The following SNX15 variants were observed in gnomAD, a reference collection of about 807,000 sequenced individuals.
The protein encoded by SNX15 is sorting nexin 15.
SNX15 carries 29 observed loss-of-function variants against 35.2 expected under a neutral mutation model. That is an observed-to-expected ratio of 0.82 (90% CI 0.61 to 1.12). The LOEUF is 1.12. Ranked by LOEUF, SNX15 falls within the 50% of genes most tolerant of loss-of-function variation. The pLI, the probability that SNX15 is intolerant of heterozygous loss-of-function variation, is 0.00. For missense variants in SNX15, 400 were observed against 451.5 expected, an observed-to-expected ratio of 0.89 and a Z score of 1.03; for synonymous variants, 189 against 188.2, an observed-to-expected ratio of 1.00 and a Z score of -0.03.
At chr11:65,032,637 A>T in intron 3 of SNX15, 86 bp downstream of exon 3, 1 of 1,542,326 alleles carries the variant, frequency 6.5e-7, no homozygotes, top group South Asian at 1.1e-5. Context: ...CTGGATAGAG[A>T]GGGCCTGAAA....
At chr11:65,031,855 C>A (rs1405069387) in intron 1 of SNX15, among the ~76,000 whole-genome samples, 3 of 152,016 alleles carry the variant, frequency 2.0e-5, no homozygotes, top group Non-Finnish European at 2.9e-5. Flanking sequence ...CGAGAGTGTA[C>A]CACTGCACTC....
chr11:65,027,797 C>G (rs752708475), intron 1 of SNX15, among the ~76,000 whole-genome samples, 161 bp downstream of exon 1: 5 of 152,188 alleles, frequency 3.3e-5, no homozygotes, highest in Admixed American at 1.3e-4. Context: ...ACATCTTTAA[C>G]CACCAGGGGG....
At chr11:65,030,402 A>C (rs1487309997) in intron 1 of SNX15, among the ~76,000 whole-genome samples, 1 of 150,132 alleles carries the variant, frequency 6.7e-6, no homozygotes, top group Admixed American at 6.6e-5. Context: ...CATGTTGCCC[A>C]GGCTGGTCTC....
intron 1 of SNX15, among the ~76,000 whole-genome samples, chr11:65,027,925 T>G (rs1486094749): frequency 6.6e-6 from 1 of 152,232 alleles, no homozygotes; most frequent in Non-Finnish European, 1.5e-5. Context: ...TGTGAATTTC[T>G]CTAAATTAAC....
In SNX15 at chr11:65,027,491, G is replaced by A; in HGVS notation, c.-47G>A. The A allele has an allele frequency of 6.7e-7, 1 of 1,502,006 alleles. No individual in the cohort carries two copies. The allele number at this position is 1,502,006 out of a possible 1,614,324, so 93.0% of individuals were successfully genotyped here. ...GAGGCTGGGCCGGAGGGGTGGGGAC[G>A]GCGAGGAGGTGGAGGCCGGCGCTCC... On this transcript the variant is annotated 5_prime_UTR_variant, in exon 1 of 8. Coordinates refer to ENST00000377244, the MANE Select transcript of SNX15 (RefSeq NM_013306.5).
At chr11:65,035,262 G>A (rs547751477) in intron 5 of SNX15, 56 bp downstream of exon 5, 114 of 1,448,058 alleles carry the variant, frequency 7.9e-5, no homozygotes, top group Middle Eastern at 2.2e-4. Flanking sequence ...TGGGGAGGGC[G>A]GCCACACTCC....
rs577205385 is a variant in SNX15, at chr11:65,032,339, C to T, written c.136-92C>T. 5.2e-5 allele frequency: 84 copies of T among 1,602,426 alleles called. No homozygotes were observed. In the South Asian group the frequency reaches 6.8e-4, roughly 13 times the overall value. On this transcript the variant is annotated intron_variant, in intron 2 of 7. Transcript: ENST00000377244. Reference sequence around the variant, plus strand: ...GGGCGAGGGGCTGCTGCAGCTGCTTCCTGATCCTCACGCCCCCTGGGGGCA... The same window carrying T: ...GGGCGAGGGGCTGCTGCAGCTGCTTTCTGATCCTCACGCCCCCTGGGGGCA...
chr11:65,027,820 T>C (rs1946392049), intron 1 of SNX15, among the ~76,000 whole-genome samples, 184 bp downstream of exon 1: 1 of 152,090 alleles, frequency 6.6e-6, no homozygotes, highest in African/African-American at 2.4e-5. Context: ...GGGTCCTGGG[T>C]GGGCGCTGTC....
chr11:65,039,649 T>G, intron 7 of SNX15, 37 bp from the exon 8 acceptor site: 2 of 1,436,466 alleles, frequency 1.4e-6, no homozygotes, highest in South Asian at 1.2e-5. Context: ...AGGCCAGTGG[T>G]GCCCAGGTGC....
At chr11:65,032,030 G>A (rs978361374) in intron 1 of SNX15, 138 bp from the exon 2 acceptor site, 1 of 739,214 alleles carries the variant, frequency 1.4e-6, no homozygotes, top group Non-Finnish European at 2.3e-6. Context: ...TTAAAGCCAG[G>A]GTGCCTTGAT....
chr11:65,035,678 C>A lies in SNX15; in HGVS notation c.664+15C>A, dbSNP rs369325058. 6.3e-7 allele frequency: 1 copy of A among 1,592,382 alleles called. No individual in the cohort carries two copies. The highest frequency in any genetic ancestry group is 8.6e-7 in the Non-Finnish European group (1 of 1,169,414). On this transcript the variant is annotated intron_variant, in intron 6 of 7. Transcript: ENST00000377244. ...CTCCAAGGAAGGTAATGAGCTGGGA[C>A]AGCCGGGAAGGAGCCAGGGCAGGAC...
rs531495554 is a variant in SNX15, at chr11:65,035,312, G to A, written c.520+106G>A. The A allele has an allele frequency of 3.9e-6, 5 of 1,294,280 alleles. No individual in the cohort carries two copies. In the African/African-American group the frequency reaches 4.5e-5, roughly 12 times the overall value. The allele number at this position is 1,294,280 out of a possible 1,614,324, so 80.2% of individuals were successfully genotyped here. On this transcript the variant is annotated intron_variant, in intron 5 of 7. Transcript: ENST00000377244. ...TACTGAGAAATGTGTGTGTGTCCCA[G>A]GTCTATCACTTAACTGGCTGAGGAA...
In SNX15 at chr11:65,032,526, T is replaced by G. The variant is rs534236; in HGVS notation, c.231T>G (p.Pro77=). 5.0e-6 allele frequency: 8 copies of G among 1,613,910 alleles called. No homozygotes were observed. Among genetic ancestry groups the G allele is most frequent in the Non-Finnish European group, 5.9e-6 (7 of 1,179,968 alleles). ...TCTTCCGCCGCCTCGAGGAGTTCCCTGCTTTCCCCCGGGCCCAGGTGTTTG... is the reference window on the plus strand; with the variant it reads ...TCTTCCGCCGCCTCGAGGAGTTCCCGGCTTTCCCCCGGGCCCAGGTGTTTG... ...RNLFRRLEEF[P]AFPRAQVFGR... Residue 77 remains proline (P), a synonymous_variant, in exon 3 of 8, where the codon CCT becomes CCG. Transcript: ENST00000377244.
rs576931830 is a variant in SNX15 at position 65,027,788 on chromosome 11, C to T, written c.99+152C>T. 16 of 608,068 alleles carry T rather than the reference C, an allele frequency of 2.6e-5. No homozygotes were observed. The Admixed American group carries it at 3.3e-4, about 13-fold the overall frequency. The allele number at this position is 608,068 out of a possible 1,614,324, so 37.7% of individuals were successfully genotyped here. A position where few individuals can be genotyped will look rare whatever the true frequency, so the allele number is the denominator to read the frequency against. On this transcript the variant is annotated intron_variant, in intron 1 of 7. Transcript: ENST00000377244. The stretch of plus-strand genomic sequence containing the variant: ...AGGTTGCAGTACGAGGCTTAGTTTA[C>T]ATCTTTAACCACCAGGGGGCGGGGT...
chr11:65,037,698 C>T (rs1946519196), intron 6 of SNX15: 1 of 152,250 alleles, frequency 6.6e-6, no homozygotes, highest in South Asian at 2.1e-4. Flanking sequence ...GGAGTGGGCA[C>T]CTGTGTCTCC....
chr11:65,038,598 G>A lies in SNX15; in HGVS notation c.691G>A (p.Val231Met). 1 of 1,581,464 alleles carries A rather than the reference G, an allele frequency of 6.3e-7. No homozygotes were observed. The highest frequency in any genetic ancestry group is 1.8e-5 in the Admixed American group (1 of 55,814). ...AGGCGCAGCCCCCAGCCCCACCCAT[G>A]TGGCTGAGCTGGCAACGATGGAGGT... ...EEGAAPSPTH[V>M]AELATMEVES... The change falls in exon 7 of 8, where the codon GTG (valine) becomes ATG (methionine). Residue 231 changes from valine (V) to methionine (M), a missense_variant. Coordinates refer to ENST00000377244, the MANE Select transcript of SNX15 (RefSeq NM_013306.5).
intron 6 of SNX15, 158 bp downstream of exon 6, chr11:65,035,821 A>T: frequency 1.4e-6 from 1 of 690,734 alleles, no homozygotes; most frequent in Non-Finnish European, 2.2e-6. Flanking sequence ...TTCAATGAGA[A>T]TTAGAAGCCC....
rs1178590989 is a variant in SNX15, at chr11:65,038,568, G to T, written c.665-4G>T. ...TGGTCCGAGTCCTCCCTTTCTAACT[G>T]CAGAAGGCGCAGCCCCCAGCCCCAC... On this transcript the variant is annotated splice_polypyrimidine_tract_variant and splice_region_variant and intron_variant, in intron 6 of 7. Transcript: ENST00000377244. The T allele has an allele frequency of 7.2e-6, 11 of 1,525,854 alleles. 1 individual carries two copies. The South Asian group carries it at 1.4e-4, about 20-fold the overall frequency. The allele number at this position is 1,525,854 out of a possible 1,614,324, so 94.5% of individuals were successfully genotyped here.
intron 3 of SNX15, among the ~76,000 whole-genome samples, chr11:65,033,375 C>A (rs1052502979): frequency 2.0e-5 from 3 of 151,566 alleles, no homozygotes; most frequent in Non-Finnish European, 1.5e-5. Context: ...AAACCCCGTC[C>A]CTACTAAAAA....
Sources: gnomAD v4.1 joint callset for allele counts (sites outside exome capture counted in the v4.1 genomes callset) on GRCh38, gnomAD v4.1.1 for gene constraint, MANE v1.5 for transcripts, NCBI Gene and HGNC (gene_info 2026-07-23, HGNC 2026-07-21) for gene names.